PCDH9: variants seen among roughly 807,000 people sequenced by gnomAD.
The protein encoded by PCDH9 is protocadherin 9, also known as protocadherin-9.
Under a neutral mutation model 70.6 loss-of-function variants are expected in PCDH9, and 24 were observed. That is an observed-to-expected ratio of 0.34 (90% CI 0.25 to 0.48). The LOEUF (loss-of-function observed/expected upper bound fraction) is 0.48, where lower values mean the gene tolerates loss of function less well. PCDH9 is among the 20% of genes least tolerant of loss of function. PCDH9 has a pLI of 0.99. For missense variants in PCDH9, 1,281 were observed against 1,503.6 expected (o/e 0.85, Z 2.45); for synonymous variants, 562 against 558.5 (o/e 1.01, Z -0.09).
intron 2 of PCDH9, chr13:67,218,847 T>G (rs891083615): frequency 1.3e-5 from 2 of 151,642 alleles, no homozygotes; most frequent in African/African-American, 2.4e-5. Context: ...CTTCTATCTT[T>G]GCCATTCTTA....
At chr13:66,854,142 T>C (rs1469643175) in intron 3 of PCDH9, among the ~76,000 whole-genome samples, 1 of 152,136 alleles carries the variant, frequency 6.6e-6, no homozygotes, top group Admixed American at 6.6e-5. Context: ...ATGAGAAGTA[T>C]AGCATAGTGG....
At chr13:66,747,133 C>T (rs1034507358) in intron 3 of PCDH9, among the ~76,000 whole-genome samples, 4 of 152,072 alleles carry the variant, frequency 2.6e-5, no homozygotes, top group Non-Finnish European at 5.9e-5. Context: ...GGGTGGATCA[C>T]GAGGTCAGGA....
At chr13:66,502,094 G>C (rs1269761508) in intron 4 of PCDH9, among the ~76,000 whole-genome samples, 1 of 152,144 alleles carries the variant, frequency 6.6e-6, no homozygotes. Flanking sequence ...TGTTATGGTA[G>C]CTGTTACTTA....
At chr13:66,329,964 G>T (rs1955912708) in intron 4 of PCDH9, among the ~76,000 whole-genome samples, 1 of 152,084 alleles carries the variant, frequency 6.6e-6, no homozygotes, top group Non-Finnish European at 1.5e-5. Flanking sequence ...AAAAACATCT[G>T]GTAGCTGTTC....
intron 2 of PCDH9, among the ~76,000 whole-genome samples, chr13:67,058,477 T>G (rs1311620311): frequency 1.3e-5 from 2 of 152,182 alleles, no homozygotes; most frequent in African/African-American, 4.8e-5. Context: ...TTCACTGCAT[T>G]GCCCTCGTCA....
chr13:66,311,477 C>T (rs995902553), intron 4 of PCDH9, among the ~76,000 whole-genome samples: 1 of 151,692 alleles, frequency 6.6e-6, no homozygotes, highest in Non-Finnish European at 1.5e-5. Context: ...TTATGTAAAT[C>T]TGGAGGGACC....
rs936286642 is a variant in PCDH9 at position 67,079,762 on chromosome 13, G to A, written c.3036+145643C>T. Among the ~76,000 whole-genome samples, 3 of 152,156 alleles carry A rather than the reference G, an allele frequency of 2.0e-5. No homozygotes were observed. In the East Asian group the frequency reaches 5.8e-4, roughly 29 times the overall value. On this transcript the variant is annotated intron_variant, in intron 2 of 4. Transcript: ENST00000377865. ...TGAGAGCCTGACACCTTTGAAGTCTGGAAAGAGACATTTTCCATGTATTCT... is the reference window on the plus strand; with the variant it reads ...TGAGAGCCTGACACCTTTGAAGTCTAGAAAGAGACATTTTCCATGTATTCT...
chr13:66,743,038 C>T (rs9540888), intron 3 of PCDH9, among the ~76,000 whole-genome samples: 9,657 of 66,064 alleles, frequency 0.15, 401 homozygotes, highest in Middle Eastern at 0.25. Context: ...TAAAGACACA[C>T]GCACACGTAT....
chr13:66,548,449 C>T (rs559688913), intron 4 of PCDH9, among the ~76,000 whole-genome samples: 21 of 151,966 alleles, frequency 1.4e-4, no homozygotes, highest in Admixed American at 7.2e-4. Flanking sequence ...CCTGTAATCT[C>T]GGCTACTAGG....
chr13:66,869,184 T>C (rs1010139017), intron 3 of PCDH9, among the ~76,000 whole-genome samples: 1 of 152,150 alleles, frequency 6.6e-6, no homozygotes, highest in African/African-American at 2.4e-5. Flanking sequence ...TCGCTAAAGA[T>C]GGGACACTTG....
chr13:66,401,503 A>C (rs879217610), intron 4 of PCDH9, among the ~76,000 whole-genome samples: 1 of 152,036 alleles, frequency 6.6e-6, no homozygotes, highest in Admixed American at 6.6e-5. Context: ...TTCCTTTATA[A>C]ATTACCCAAT....
At chr13:66,523,688 G>A (rs573910267) in intron 4 of PCDH9, among the ~76,000 whole-genome samples, 2 of 151,754 alleles carry the variant, frequency 1.3e-5, no homozygotes, top group Admixed American at 1.3e-4. Context: ...TAGCATCAGA[G>A]GGAAAAAGCA....
chr13:67,018,462 T>C (rs1257688518), intron 2 of PCDH9, among the ~76,000 whole-genome samples: 2 of 151,490 alleles, frequency 1.3e-5, no homozygotes, highest in African/African-American at 4.9e-5. Flanking sequence ...CTACTAAAAA[T>C]ACAAAAATTA....
At chr13:67,012,255 A>C (rs780888030) in intron 2 of PCDH9, among the ~76,000 whole-genome samples, 1 of 151,720 alleles carries the variant, frequency 6.6e-6, no homozygotes, top group Non-Finnish European at 1.5e-5. Flanking sequence ...AAATTCAATA[A>C]ATGTAACCTT....
intron 2 of PCDH9, among the ~76,000 whole-genome samples, chr13:67,008,388 A>G (rs1409688372): frequency 6.6e-6 from 1 of 152,146 alleles, no homozygotes; most frequent in Non-Finnish European, 1.5e-5. Flanking sequence ...CTGTTGGTTT[A>G]TATTTTGTGA....
At chr13:67,097,760 A>C (rs2086353080) in intron 2 of PCDH9, among the ~76,000 whole-genome samples, 1 of 152,184 alleles carries the variant, frequency 6.6e-6, no homozygotes, top group South Asian at 2.1e-4. Flanking sequence ...ATATAAAAAA[A>C]CTACATACCT....
At chr13:66,620,482 C>CACACACAT (rs1368165406) in intron 4 of PCDH9, among the ~76,000 whole-genome samples, 2 of 152,180 alleles carry the variant, frequency 1.3e-5, no homozygotes, top group Non-Finnish European at 2.9e-5. Context: ...TACAAACACA[C>CACACACAT]ACACACATAC....
At chr13:66,753,223 C>A (rs2079487399) in intron 3 of PCDH9, among the ~76,000 whole-genome samples, 3 of 151,740 alleles carry the variant, frequency 2.0e-5, no homozygotes, top group Admixed American at 6.6e-5. Context: ...ATCTGTATGC[C>A]CCAAAATTTT....
intron 3 of PCDH9, among the ~76,000 whole-genome samples, chr13:66,856,141 A>G (rs1290105625): frequency 6.6e-6 from 1 of 151,980 alleles, no homozygotes; most frequent in Admixed American, 6.6e-5. Context: ...AACTTCAATA[A>G]CGCATATAAA....
Sources: gnomAD v4.1 joint callset for allele counts (sites outside exome capture counted in the v4.1 genomes callset) on GRCh38, gnomAD v4.1.1 for gene constraint, MANE v1.5 for transcripts, NCBI Gene and HGNC (gene_info 2026-07-23, HGNC 2026-07-21) for gene names.